The following MROH9 variants were observed in gnomAD, a reference collection of about 807,000 sequenced individuals.
The protein encoded by MROH9 is maestro heat-like repeat-containing protein family member 9.
Under a neutral mutation model 98.2 loss-of-function variants are expected in MROH9, and 92 were observed. The observed-to-expected ratio is 0.94, with a 90% CI of 0.79 to 1.11. The LOEUF (loss-of-function observed/expected upper bound fraction) is 1.11. Among genes scored for constraint, MROH9 ranks in the 50% most tolerant of loss-of-function variants. MROH9 has a pLI of 0.00. For synonymous variants in MROH9, 397 were observed against 368.9 expected (o/e 1.08, Z -0.87); for missense variants, 1,057 against 1,014.8 (o/e 1.04, Z -0.57).
chr1:170,958,356 T>C, intron 3 of MROH9, 105 bp from the exon 4 acceptor site: 1 of 568,742 alleles, frequency 1.8e-6, no homozygotes, highest in Non-Finnish European at 3.0e-6. Context: ...CTGATTTGGT[T>C]CCTTTAGTCT....
At chr1:170,989,581 T>C (rs562521461) in intron 10 of MROH9, among the ~76,000 whole-genome samples, 1 of 152,362 alleles carries the variant, frequency 6.6e-6, no homozygotes, top group African/African-American at 2.4e-5. Context: ...TTATATTTCT[T>C]ATGTAATGAA....
At chr1:170,996,870 A>G (rs2101814928) in intron 14 of MROH9, among the ~76,000 whole-genome samples, 1 of 152,092 alleles carries the variant, frequency 6.6e-6, no homozygotes, top group South Asian at 2.1e-4. Flanking sequence ...ATAGATGCCC[A>G]ATTATCCTCC....
At position 170,996,594 on chromosome 1, in the gene MROH9, C is replaced by A. The variant is rs752178903; in HGVS notation, c.1425C>A (p.Asp475Glu). ...DITLMKENFWDQLSEDLCYYH... is the reference protein window; with the variant it reads ...DITLMKENFWEQLSEDLCYYH... ...CTCTAATGAAGGAGAATTTCTGGGA[C>A]CAGTTATCTGAAGATCTGTGTTACT... Residue 475 changes from aspartate to glutamate, a missense_variant, in exon 14 of 22, where the codon GAC becomes GAA. By Grantham distance (45) the Asp-to-Glu change is conservative. Transcript: ENST00000367759. 5.0e-6 allele frequency: 8 copies of A among 1,613,546 alleles called. No individual in the cohort carries two copies. The East Asian group carries it at 1.8e-4, about 36-fold the overall frequency.
intron 15 of MROH9, among the ~76,000 whole-genome samples, chr1:171,009,708 A>G (rs896735183): frequency 3.3e-5 from 5 of 152,196 alleles, no homozygotes; most frequent in South Asian, 2.1e-4. Context: ...TTTAGCATCC[A>G]TTTCTAATGG....
intron 12 of MROH9, among the ~76,000 whole-genome samples, chr1:170,994,365 A>G (rs1651475002): frequency 1.3e-5 from 2 of 152,202 alleles, no homozygotes; most frequent in Admixed American, 1.3e-4. Flanking sequence ...ATGTTTGGAA[A>G]AGTACATATG....
In MROH9 at chr1:171,017,542, G is replaced by A. The variant is rs545796545; in HGVS notation, c.1908+1206G>A. 1.3e-4 allele frequency among the ~76,000 whole-genome samples: 20 copies of A among 152,340 alleles called. 1 individual carries two copies. The highest frequency in any genetic ancestry group is 2.0e-4 in the Admixed American group (3 of 15,304). On this transcript the variant is annotated intron_variant, in intron 17 of 21. Transcript: ENST00000367759. ...TAAGACTGCTGAACTCCTGGGGGAG[G>A]GGTGACTGGCACAACAGCTGTGGCT...
At chr1:170,947,663 T>A in intron 3 of MROH9, 90 bp downstream of exon 3, 2 of 1,218,870 alleles carry the variant, frequency 1.6e-6, no homozygotes, top group Non-Finnish European at 2.4e-6. Context: ...ATGTTACAAG[T>A]AATGTTTAAA....
At chr1:171,062,290 G>C in intron 21 of MROH9, 96 bp downstream of exon 21, 2 of 812,834 alleles carry the variant, frequency 2.5e-6, no homozygotes, top group South Asian at 3.4e-5. Context: ...TAGAGTGCCA[G>C]GCCAGACAGG....
At chr1:171,025,117 A>G (rs1001042265) in intron 19 of MROH9, among the ~76,000 whole-genome samples, 1 of 152,212 alleles carries the variant, frequency 6.6e-6, no homozygotes, top group Non-Finnish European at 1.5e-5. Flanking sequence ...ATGAACAGCA[A>G]TGATAGCCAA....
At chr1:170,957,822 T>G (rs937925877) in intron 3 of MROH9, among the ~76,000 whole-genome samples, 70 of 145,846 alleles carry the variant, frequency 4.8e-4, no homozygotes, top group African/African-American at 9.4e-4. Context: ...TTGTTTGTTT[T>G]TTTTGAGACA....
At chr1:171,054,696 A>T (rs1020348967) in intron 20 of MROH9, among the ~76,000 whole-genome samples, 4 of 152,258 alleles carry the variant, frequency 2.6e-5, no homozygotes, top group Admixed American at 2.0e-4. Context: ...GGCTAAGGAC[A>T]TGAATAGATA....
intron 6 of MROH9, 122 bp downstream of exon 6, chr1:170,962,098 C>A: frequency 1.7e-6 from 1 of 584,030 alleles, no homozygotes; most frequent in Non-Finnish European, 3.0e-6. Context: ...GAAAGTTTTT[C>A]TTTACCACAG....
At chr1:171,058,220 T>C (rs547235555) in intron 20 of MROH9, among the ~76,000 whole-genome samples, 2 of 151,918 alleles carry the variant, frequency 1.3e-5, no homozygotes, top group East Asian at 3.9e-4. Flanking sequence ...AGCCAAATTA[T>C]GAATAAATCC....
intron 7 of MROH9, among the ~76,000 whole-genome samples, chr1:170,970,489 T>C (rs1216131935): frequency 6.6e-6 from 1 of 151,976 alleles, no homozygotes; most frequent in African/African-American, 2.4e-5. Flanking sequence ...TGCTCCCAGA[T>C]TCTCCAAAGC....
At chr1:170,939,472 A>T (rs1032514010) in intron 1 of MROH9, among the ~76,000 whole-genome samples, 13 of 152,232 alleles carry the variant, frequency 8.5e-5, no homozygotes, top group Non-Finnish European at 1.8e-4. Context: ...ATGTAGAACC[A>T]ACTGTAAACC....
rs113722921 is a variant in MROH9 at position 170,981,527 on chromosome 1, G to A, written c.617-1895G>A. Among the ~76,000 whole-genome samples the A allele has an allele frequency of 2.8e-3, 431 of 152,112 alleles. 2 individuals are homozygous for A. Among genetic ancestry groups the A allele is most frequent in the African/African-American group, 9.8e-3 (408 of 41,504 alleles). On this transcript the variant is annotated intron_variant, in intron 8 of 21. Transcript: ENST00000367759. ...ACACAGGAACAGAAAACCAAACCACGTGTTCTCACTCTTAAGTGGGAGTTG... is the reference window on the plus strand; with the variant it reads ...ACACAGGAACAGAAAACCAAACCACATGTTCTCACTCTTAAGTGGGAGTTG...
At chr1:170,967,782 C>A (rs570039818) in intron 7 of MROH9, among the ~76,000 whole-genome samples, 1 of 152,198 alleles carries the variant, frequency 6.6e-6, no homozygotes, top group Non-Finnish European at 1.5e-5. Flanking sequence ...AATGGTTCAA[C>A]TTTCAACAGG....
chr1:171,003,288 G>A (rs933087779), intron 15 of MROH9, among the ~76,000 whole-genome samples: 2 of 152,118 alleles, frequency 1.3e-5, no homozygotes, highest in Non-Finnish European at 2.9e-5. Flanking sequence ...TGGTGAACTA[G>A]TACGATTTTT....
chr1:170,941,109 T>A (rs1322751382), intron 1 of MROH9, among the ~76,000 whole-genome samples: 1 of 152,198 alleles, frequency 6.6e-6, no homozygotes, highest in African/African-American at 2.4e-5. Flanking sequence ...TAGTTCCCTA[T>A]TCTGACTGGA....
Sources: allele counts gnomAD v4.1 joint callset (sites outside exome capture counted in the v4.1 genomes callset), GRCh38; gene constraint gnomAD v4.1.1; transcripts MANE v1.5; gene names NCBI Gene and HGNC (gene_info 2026-07-23, HGNC 2026-07-21).